Variants in AXDND1 observed in about 807,000 individuals in gnomAD.
The protein encoded by AXDND1 is axonemal dynein light chain domain-containing protein 1.
AXDND1 carries 110 observed loss-of-function variants against 137.5 expected under a neutral mutation model. The ratio of observed to expected loss-of-function variants is 0.80; its 90% CI spans 0.69 to 0.94. The LOEUF (loss-of-function observed/expected upper bound fraction) is 0.94, where lower values mean the gene tolerates loss of function less well. Ranked by LOEUF, AXDND1 falls within the 40% of genes least tolerant of loss-of-function variation. The pLI, the probability that AXDND1 is intolerant of heterozygous loss-of-function variation, is 0.00. For synonymous variants in AXDND1, 414 were observed against 399.7 expected (o/e 1.04, Z -0.43); for missense variants, 1,191 against 1,169.8 (o/e 1.02, Z -0.26).
intron 16 of AXDND1, among the ~76,000 whole-genome samples, chr1:179,463,817 T>C (rs1045596073): frequency 1.3e-5 from 2 of 152,188 alleles, no homozygotes; most frequent in African/African-American, 4.8e-5. Context: ...ATTGGGTGCA[T>C]ATATATTTAG....
chr1:179,384,547 T>C (rs1201056863), intron 8 of AXDND1, among the ~76,000 whole-genome samples: 1 of 152,194 alleles, frequency 6.6e-6, no homozygotes. Flanking sequence ...TTGTCATGTT[T>C]CTTTAGACAA....
intron 12 of AXDND1, among the ~76,000 whole-genome samples, chr1:179,428,749 T>C (rs997934701): frequency 2.0e-5 from 3 of 152,250 alleles, no homozygotes; most frequent in Non-Finnish European, 4.4e-5. Flanking sequence ...AGGCAAACAT[T>C]AGATTTGTAA....
At chr1:179,489,004 A>AT (rs760213402) in intron 18 of AXDND1, among the ~76,000 whole-genome samples, 4 of 147,554 alleles carry the variant, frequency 2.7e-5, no homozygotes, top group Non-Finnish European at 5.9e-5. Flanking sequence ...AAGTGCTGGG[A>AT]TTACAGGTGT....
At chr1:179,393,591 C>G in intron 9 of AXDND1, among the ~76,000 whole-genome samples, 1 of 151,980 alleles carries the variant, frequency 6.6e-6, no homozygotes, top group Non-Finnish European at 1.5e-5. Flanking sequence ...TTGATTCTAC[C>G]CATCCATGAA....
chr1:179,534,649 G>A (rs1333821314), intron 24 of AXDND1, 81 bp from the exon 25 acceptor site: 2 of 1,492,868 alleles, frequency 1.3e-6, no homozygotes, highest in Non-Finnish European at 1.8e-6. Context: ...TAATCTCACT[G>A]CCTTTTTAGA....
chr1:179,441,771 G>A lies in AXDND1; in HGVS notation c.1564-3199G>A, dbSNP rs181685105. Among the ~76,000 whole-genome samples the A allele has an allele frequency of 5.3e-3, 802 of 152,270 alleles. 9 individuals carry two copies. The highest frequency in any genetic ancestry group is 0.019 in the African/African-American group (778 of 41,550). On this transcript the variant is annotated intron_variant, in intron 15 of 25. Transcript: ENST00000367618. ...TTTAACATTCCAGGTCTGAATAAGG[G>A]CTATTACCTAACAGCATATCCTCTG...
At chr1:179,380,307 AG>A (rs11301477) in intron 6 of AXDND1, among the ~76,000 whole-genome samples, 49,225 of 151,960 alleles carry the variant, frequency 0.32, 8,403 homozygotes, top group Middle Eastern at 0.44. Flanking sequence ...AAAAACTAAA[AG>A]TACTTAAAAG....
At chr1:179,430,234 C>T (rs1007874200) in intron 13 of AXDND1, among the ~76,000 whole-genome samples, 6 of 151,126 alleles carry the variant, frequency 4.0e-5, no homozygotes, top group African/African-American at 1.5e-4. Flanking sequence ...GTTCATGTTG[C>T]AAAGGAAAAA....
intron 16 of AXDND1, chr1:179,456,569 G>T: frequency 1.3e-6 from 1 of 778,396 alleles, no homozygotes; most frequent in Non-Finnish European, 2.3e-6. Flanking sequence ...AGTAACCAGG[G>T]CCACCTCCTC....
chr1:179,448,100 C>T, intron 16 of AXDND1: 1 of 948,026 alleles, frequency 1.1e-6, no homozygotes, highest in Non-Finnish European at 1.7e-6. Flanking sequence ...TTATCAAATT[C>T]CTCATTAATT....
Position 179,549,994 on chromosome 1 carries a change from C to G in AXDND1, c.3032-4518C>G, listed in dbSNP as rs1558334255. ...GCTTTCTTGTTTCTGACACCATACT[C>G]CTGGGTCTGGTAGATTTTGTTACCT... On this transcript the variant is annotated intron_variant, in intron 25 of 25. Transcript: ENST00000367618. Among the ~76,000 whole-genome samples the G allele has an allele frequency of 2.0e-5, 3 of 152,082 alleles. No individual in the cohort carries two copies. In the South Asian group the frequency reaches 6.2e-4, roughly 32 times the overall value.
At chr1:179,370,826 A>G (rs1469425880) in intron 4 of AXDND1, among the ~76,000 whole-genome samples, 1 of 152,230 alleles carries the variant, frequency 6.6e-6, no homozygotes, top group Non-Finnish European at 1.5e-5. Context: ...AGGGAATAAT[A>G]GGCTGGGCCA....
intron 9 of AXDND1, among the ~76,000 whole-genome samples, chr1:179,392,500 A>G (rs1423374307): frequency 1.3e-5 from 2 of 152,150 alleles, no homozygotes; most frequent in African/African-American, 4.8e-5. Flanking sequence ...CAGTAGTGGG[A>G]TTGTTAGATT....
intron 4 of AXDND1, among the ~76,000 whole-genome samples, chr1:179,374,898 A>G (rs543875064): frequency 6.6e-6 from 1 of 152,034 alleles, no homozygotes; most frequent in East Asian, 1.9e-4. Flanking sequence ...TGGGGGGTGC[A>G]GCACACCAAC....
intron 21 of AXDND1, among the ~76,000 whole-genome samples, chr1:179,512,438 C>T (rs1669142742): frequency 6.6e-6 from 1 of 152,128 alleles, no homozygotes; most frequent in African/African-American, 2.4e-5. Context: ...GTTTTTATAC[C>T]AGTACCATGC....
chr1:179,407,443 T>C (rs1455911792), intron 11 of AXDND1, among the ~76,000 whole-genome samples: 1 of 152,182 alleles, frequency 6.6e-6, no homozygotes. Context: ...GCCAGGATGG[T>C]CTCGATCTCC....
At chr1:179,379,905 A>G (rs914369154) in intron 6 of AXDND1, among the ~76,000 whole-genome samples, 2 of 152,160 alleles carry the variant, frequency 1.3e-5, no homozygotes, top group Admixed American at 6.6e-5. Context: ...TGAGCAATAT[A>G]TAAACTGAAA....
rs142475860 is a variant in AXDND1 at position 179,400,109 on chromosome 1, A to G, written c.1109+4907A>G. ...AGGAAAAGAAGTCATTATATGAAAA[A>G]GATACTTGCATGGGCATGTTCATAG... On this transcript the variant is annotated intron_variant, in intron 11 of 25. Transcript: ENST00000367618. Among the ~76,000 whole-genome samples, 783 of 152,334 alleles carry G rather than the reference A, an allele frequency of 5.1e-3. 6 individuals carry two copies. Among genetic ancestry groups the G allele is most frequent in the African/African-American group, 0.018 (737 of 41,590 alleles).
In AXDND1 at chr1:179,378,771, T is replaced by C. The variant is rs759249412; in HGVS notation, c.495+14T>C. 2 of 1,487,190 alleles carry C rather than the reference T, an allele frequency of 1.3e-6. No individual in the cohort carries two copies. The highest frequency in any genetic ancestry group is 1.8e-4 in the Middle Eastern group (1 of 5,580). The allele number at this position is 1,487,190 out of a possible 1,614,324, so 92.1% of individuals were successfully genotyped here. On this transcript the variant is annotated intron_variant, in intron 5 of 25. Transcript: ENST00000367618. ...GTGCCCCATAAGGTAAATAAAGTAT[T>C]TGACAAATAATCTTCTCTCCCTCTG...
Sources: gnomAD v4.1 joint callset for allele counts (sites outside exome capture counted in the v4.1 genomes callset) on GRCh38, gnomAD v4.1.1 for gene constraint, MANE v1.5 for transcripts, NCBI Gene and HGNC (gene_info 2026-07-23, HGNC 2026-07-21) for gene names.